Variants in NSFL1C observed in about 807,000 individuals in gnomAD.
NSFL1C encodes NSFL1 cofactor, also known as NSFL1 cofactor p47.
Under a neutral mutation model 43.1 loss-of-function variants are expected in NSFL1C, and 14 were observed. The ratio of observed to expected loss-of-function variants is 0.32; its 90% confidence interval spans 0.21 to 0.51. The LOEUF (loss-of-function observed/expected upper bound fraction) is 0.51, where lower values mean the gene tolerates loss of function less well. NSFL1C is among the 20% of genes least tolerant of loss of function. The pLI is 0.98. For missense variants in NSFL1C, 406 were observed against 472.5 expected (o/e 0.86, Z 1.30); for synonymous variants, 171 against 183.5 (o/e 0.93, Z 0.55).
chr20:1,450,341 T>C (rs927382910), intron 7 of NSFL1C, among the ~76,000 whole-genome samples: 3 of 152,136 alleles, frequency 2.0e-5, no homozygotes, highest in African/African-American at 7.2e-5. Flanking sequence ...AAACTGTGGC[T>C]GTTTTTTTTT....
At chr20:1,457,936 T>C (rs2090335419) in intron 3 of NSFL1C, 1 of 372,214 alleles carries the variant, frequency 2.7e-6, no homozygotes, top group South Asian at 4.7e-5. Context: ...TTTTAGTCAA[T>C]ACCAAAAAGT....
rs1223832818 is a variant in NSFL1C, at chr20:1,466,734, C to T, written c.91G>A (p.Gly31Ser). Residue 31 changes from glycine (G) to serine (S), a missense_variant, in exon 1 of 9, where the codon GGC (glycine) becomes AGC (serine). Physicochemically the swap from Gly to Ser is moderately conservative, Grantham distance 56. This residue lies in a region of NSFL1C where 203 missense variants were observed against 216.3 expected (regional missense o/e 0.94). Transcript: ENST00000216879. The part of the protein sequence containing the change: ...DRARFFLESA[G>S]WDLQIALASF... ...CGCGGCGCTACCTGCAAGTCCCAGCCGGCCGACTCGAGAAAGAAGCGGGCC... is the reference window on the plus strand; with the variant it reads ...CGCGGCGCTACCTGCAAGTCCCAGCTGGCCGACTCGAGAAAGAAGCGGGCC... 1.3e-6 allele frequency: 2 copies of T among 1,557,436 alleles called. No individual in the cohort carries two copies. The highest frequency in any genetic ancestry group is 1.2e-5 in the South Asian group (1 of 85,294).
chr20:1,450,038 A>G (rs1376311886), intron 7 of NSFL1C, among the ~76,000 whole-genome samples: 1 of 152,256 alleles, frequency 6.6e-6, no homozygotes, highest in African/African-American at 2.4e-5. Flanking sequence ...AACAACAAAA[A>G]AAATTTAATA....
chr20:1,455,255 G>T, intron 3 of NSFL1C, 123 bp from the exon 4 acceptor site: 2 of 1,159,282 alleles, frequency 1.7e-6, no homozygotes, highest in Non-Finnish European at 1.3e-6. Context: ...GAATTTACTG[G>T]CTAGTTGGGA....
intron 2 of NSFL1C, among the ~76,000 whole-genome samples, chr20:1,460,015 T>C (rs2090378376): frequency 6.6e-6 from 1 of 152,264 alleles, no homozygotes; most frequent in African/African-American, 2.4e-5. Flanking sequence ...CAGACTCTGA[T>C]GGTATCCGAC....
Position 1,456,853 on chromosome 20 carries a change from C to A in NSFL1C, c.278+1347G>T, listed in dbSNP as rs79827312. ...ACAGTAGTAAAACATTGAAAAAAATCTAAATGTCAGGCATCCCATATAATG... is the reference window on the plus strand; with the variant it reads ...ACAGTAGTAAAACATTGAAAAAAATATAAATGTCAGGCATCCCATATAATG... On this transcript the variant is annotated intron_variant, in intron 3 of 8. Coordinates refer to ENST00000216879, the MANE Select transcript of NSFL1C (RefSeq NM_016143.5). The A allele has an allele frequency of 5.8e-3, 882 of 152,216 alleles. 11 individuals are homozygous for A. The highest frequency in any genetic ancestry group is 0.021 in the African/African-American group (854 of 41,524). 9.4% of individuals were successfully genotyped at this position (152,216 alleles called of 1,614,324 possible). A position where few individuals can be genotyped will look rare whatever the true frequency, so the allele number is the denominator to read the frequency against.
intron 7 of NSFL1C, chr20:1,446,168 G>A: frequency 4.6e-6 from 2 of 430,944 alleles, no homozygotes; most frequent in Non-Finnish European, 8.9e-6. Flanking sequence ...GGAGAGACAG[G>A]GTCATAAGGC....
chr20:1,458,253 G>A lies in NSFL1C; in HGVS notation c.225C>T (p.Phe75=). ...CATCTTGGTCATGAATGAGGTCTCT[G>A]AAGGATGTCACTCTATTATCACTGG... ...TAPSDNRVTS[F]RDLIHDQDED... The change falls in exon 3 of 9, where the codon TTC becomes TTT. Residue 75 remains phenylalanine, a synonymous_variant. Transcript: ENST00000216879. The A allele has an allele frequency of 6.2e-7, 1 of 1,613,752 alleles. No homozygotes were observed. The highest frequency in any genetic ancestry group is 8.5e-7 in the Non-Finnish European group (1 of 1,179,696).
chr20:1,466,637 T>G, intron 1 of NSFL1C, 83 bp downstream of exon 1: 16 of 1,340,384 alleles, frequency 1.2e-5, no homozygotes, highest in Non-Finnish European at 1.6e-5. Context: ...ACTGTGCGCT[T>G]CGGCCGCCGC....
chr20:1,446,706 C>A (rs1161253980), intron 7 of NSFL1C, among the ~76,000 whole-genome samples: 1 of 150,522 alleles, frequency 6.6e-6, no homozygotes, highest in Non-Finnish European at 1.5e-5. Context: ...TTCTCCACAA[C>A]TGTATGGAGC....
At chr20:1,454,513 T>C (rs2033324086) in intron 4 of NSFL1C, among the ~76,000 whole-genome samples, 1 of 152,132 alleles carries the variant, frequency 6.6e-6, no homozygotes, top group African/African-American at 2.4e-5. Flanking sequence ...GTGGCCAGAA[T>C]TGGGGTTAAG....
At chr20:1,458,337 C>T (rs2090344755) in intron 2 of NSFL1C, 63 bp from the exon 3 acceptor site, 4 of 1,400,480 alleles carry the variant, frequency 2.9e-6, no homozygotes, top group Non-Finnish European at 4.1e-6. Flanking sequence ...CCCTCATCAC[C>T]AGCTGCTAAG....
intron 2 of NSFL1C, among the ~76,000 whole-genome samples, chr20:1,462,249 A>C (rs1417902016): frequency 6.6e-6 from 1 of 152,178 alleles, no homozygotes; most frequent in Non-Finnish European, 1.5e-5. Context: ...GGCAGGCCCC[A>C]CACAGAATTC....
In NSFL1C at chr20:1,466,725, A is replaced by C; in HGVS notation, c.100T>G (p.Leu34Val). The C allele has an allele frequency of 6.4e-7, 1 of 1,551,340 alleles. No individual in the cohort carries two copies. The highest frequency in any genetic ancestry group is 1.2e-5 in the South Asian group (1 of 84,790). The change falls in exon 1 of 9, where the codon TTG (leucine) becomes GTG (valine). Residue 34 changes from leucine (L) to valine (V), a missense_variant. By Grantham distance (32) the Leu-to-Val change is conservative. Coordinates refer to ENST00000216879, the MANE Select transcript of NSFL1C (RefSeq NM_016143.5). ...RFFLESAGWDLQIALASFYED... is the reference protein window; with the variant it reads ...RFFLESAGWDVQIALASFYED... ...AGCCCGCCGCGCGGCGCTACCTGCAAGTCCCAGCCGGCCGACTCGAGAAAG... is the reference window on the plus strand; with the variant it reads ...AGCCCGCCGCGCGGCGCTACCTGCACGTCCCAGCCGGCCGACTCGAGAAAG...
chr20:1,466,632 G>A lies in NSFL1C; in HGVS notation c.105+88C>T, dbSNP rs560780705. 55 of 1,275,744 alleles carry A rather than the reference G, an allele frequency of 4.3e-5. No homozygotes were observed. The African/African-American group carries it at 6.5e-4, about 15-fold the overall frequency. 79.0% of individuals were successfully genotyped at this position (1,275,744 alleles called of 1,614,324 possible). ...GCCGCGGTAGAGCGGGGATGACTGT[G>A]CGCTTCGGCCGCCGCGGGCTTAAGG... On this transcript the variant is annotated intron_variant, in intron 1 of 8. Transcript: ENST00000216879.
intron 8 of NSFL1C, 70 bp downstream of exon 8, chr20:1,445,596 G>A: frequency 6.5e-7 from 1 of 1,544,486 alleles, no homozygotes; most frequent in Non-Finnish European, 8.8e-7. Context: ...ACGGCTCTCT[G>A]CTTCCCACAC....
In NSFL1C at chr20:1,445,791, T is replaced by G; in HGVS notation, c.825A>C (p.Gln275His). Residue 275 changes from glutamine (Q) to histidine (H), a missense_variant, in exon 8 of 9, where the codon CAA (glutamine) becomes CAC (histidine). Coordinates refer to ENST00000216879, the MANE Select transcript of NSFL1C (RefSeq NM_016143.5). ...PQVLSTSSPA[Q>H]QAENEAKASS... ...TGGCTTTGGCTTCATTTTCTGCCTG[T>G]TGGGCTGGAGAGCTGGTACTCAACA... 1 of 1,614,032 alleles carries G rather than the reference T, an allele frequency of 6.2e-7. No individual in the cohort carries two copies.
intron 7 of NSFL1C, 105 bp from the exon 8 acceptor site, chr20:1,445,935 T>C (rs1035082365): frequency 3.4e-5 from 41 of 1,214,828 alleles, no homozygotes; most frequent in Non-Finnish European, 4.6e-5. Context: ...CGCCTGGCAT[T>C]GTTTGGTGCT....
At chr20:1,447,423 GAGT>G (rs1043768608) in intron 7 of NSFL1C, among the ~76,000 whole-genome samples, 4 of 146,782 alleles carry the variant, frequency 2.7e-5, no homozygotes, top group African/African-American at 1.0e-4. Context: ...AAAATGTTAT[GAGT>G]TTTTTTTTTT....
Sources: allele counts gnomAD v4.1 joint callset (sites outside exome capture counted in the v4.1 genomes callset), GRCh38; gene constraint gnomAD v4.1.1; regional missense constraint gnomAD v4.1.1; transcripts MANE v1.5; gene names NCBI Gene and HGNC (gene_info 2026-07-23, HGNC 2026-07-21).